Variants in TNS3 observed in about 807,000 individuals in gnomAD.
TNS3 encodes tensin 3, also known as tensin-3.
In TNS3, 45 loss-of-function variants were observed where a neutral mutation model predicts 140.9. The observed-to-expected ratio is 0.32, with a 90% CI of 0.25 to 0.41. The LOEUF is 0.41. Ranked by LOEUF, TNS3 falls within the 10% of genes least tolerant of loss-of-function variation. The pLI is 1.00. For synonymous variants in TNS3, 815 were observed against 788.4 expected (o/e 1.03, Z -0.56); for missense variants, 1,716 against 1,906.7 (o/e 0.90, Z 1.86).
At chr7:47,346,853 A>G (rs2151005126) in intron 17 of TNS3, among the ~76,000 whole-genome samples, 1 of 152,266 alleles carries the variant, frequency 6.6e-6, no homozygotes, top group Non-Finnish European at 1.5e-5. Context: ...CTGGAGAGGG[A>G]AAAAACCTAT....
chr7:47,420,057 G>T (rs547713920), intron 10 of TNS3, among the ~76,000 whole-genome samples: 2 of 152,266 alleles, frequency 1.3e-5, no homozygotes, highest in South Asian at 2.1e-4. Flanking sequence ...ATTGAATAAT[G>T]AACCCATTTG....
intron 20 of TNS3, among the ~76,000 whole-genome samples, chr7:47,315,351 G>C (rs993623236): frequency 6.6e-6 from 1 of 152,226 alleles, no homozygotes; most frequent in Admixed American, 6.5e-5. Flanking sequence ...TGCTGCTGCG[G>C]GGCAGCCCCC....
intron 20 of TNS3, among the ~76,000 whole-genome samples, chr7:47,317,207 A>G (rs780750219): frequency 2.0e-5 from 3 of 152,248 alleles, no homozygotes; most frequent in Non-Finnish European, 4.4e-5. Flanking sequence ...CAGTGAAGCC[A>G]GAATTGCTCC....
In TNS3 at chr7:47,567,813, A is replaced by G. The variant is rs937420478; in HGVS notation, c.-265+14238T>C. On this transcript the variant is annotated intron_variant, in intron 1 of 30. Transcript: ENST00000311160. ...AGATAATCTAAATAACTGAAAAGAT[A>G]TATCATGTTCATGAACTGGAAGTCC... 3.3e-5 allele frequency among the ~76,000 whole-genome samples: 5 copies of G among 152,330 alleles called. No individual in the cohort carries two copies. The East Asian group carries it at 7.7e-4, about 24-fold the overall frequency.
At position 47,547,687 on chromosome 7, in the gene TNS3, C is replaced by T. The variant is rs556211583; in HGVS notation, c.-264-18540G>A. Among the ~76,000 whole-genome samples, 226 of 152,256 alleles carry T rather than the reference C, an allele frequency of 1.5e-3. 1 individual carries two copies. The highest frequency in any genetic ancestry group is 5.2e-3 in the African/African-American group (217 of 41,554). ...TCCAGGAGCCCTCAGCATGGCCCCA[C>T]GTCTACGCCGCCATCCACCCCTCCA... On this transcript the variant is annotated intron_variant, in intron 1 of 30. Transcript: ENST00000311160.
chr7:47,334,552 T>C (rs553687286), intron 20 of TNS3, among the ~76,000 whole-genome samples: 1 of 152,176 alleles, frequency 6.6e-6, no homozygotes, highest in African/African-American at 2.4e-5. Flanking sequence ...GTGTTTATAT[T>C]TTTAAAAAAT....
chr7:47,403,426 C>T (rs1793269938), intron 13 of TNS3: 2 of 152,190 alleles, frequency 1.3e-5, no homozygotes, highest in African/African-American at 2.4e-5. Flanking sequence ...TCCTAAGGCT[C>T]CACAGTGAAA....
intron 17 of TNS3, among the ~76,000 whole-genome samples, chr7:47,349,886 C>T (rs1347106239): frequency 6.6e-6 from 1 of 152,230 alleles, no homozygotes; most frequent in Non-Finnish European, 1.5e-5. Context: ...TGGGCAGGTG[C>T]TCTCATAGAG....
intron 15 of TNS3, among the ~76,000 whole-genome samples, chr7:47,399,621 T>C (rs1480165647): frequency 1.3e-5 from 2 of 152,186 alleles, no homozygotes; most frequent in Admixed American, 6.5e-5. Context: ...GCTAGCCACA[T>C]GTAGAAGAAT....
chr7:47,364,077 C>T (rs1004685050), intron 17 of TNS3, among the ~76,000 whole-genome samples: 8 of 152,038 alleles, frequency 5.3e-5, no homozygotes, highest in Non-Finnish European at 1.0e-4. Context: ...CACACTTGTA[C>T]GCGTGTCCCT....
chr7:47,457,135 GGAGGGGAGGGGAGGGGAGGGGAAGA>G (rs1796286265), intron 4 of TNS3, among the ~76,000 whole-genome samples: 1 of 26,434 alleles, frequency 3.8e-5, no homozygotes, highest in Non-Finnish European at 9.3e-5. Context: ...GGGGAGGGGA[GGAGGGGAGGGGAGGGGAGGGGAAGA>G]GAGGGGAGGG....
At chr7:47,578,293 G>A (rs1371675055) in intron 1 of TNS3, among the ~76,000 whole-genome samples, 2 of 152,042 alleles carry the variant, frequency 1.3e-5, no homozygotes, top group African/African-American at 4.8e-5. Flanking sequence ...CTGGACTCCA[G>A]CAAGACTCCA....
At chr7:47,483,555 C>G (rs986912545) in intron 3 of TNS3, among the ~76,000 whole-genome samples, 40 of 152,196 alleles carry the variant, frequency 2.6e-4, no homozygotes, top group African/African-American at 8.9e-4. Flanking sequence ...TGGAAGCACA[C>G]GTTTGTTGAG....
At position 47,389,111 on chromosome 7, in the gene TNS3, GAAGAA is replaced by G. The variant is rs772296599; in HGVS notation, c.1024+7684_1024+7688del. 8.2e-3 allele frequency among the ~76,000 whole-genome samples: 469 copies of G among 56,896 alleles called. 90 individuals carry two copies. The highest frequency in any genetic ancestry group is 0.051 in the South Asian group (79 of 1,560). 37.3% of individuals were successfully genotyped at this position (56,896 alleles called of 152,430 possible). On this transcript the variant is annotated intron_variant, in intron 16 of 30. Transcript: ENST00000311160. ...GGAAGAGGAAGAGGAAGCGGAAGCA[GAAGAA>G]GAAGAAGAAGAAGAAGAAGAAGAAG... is the stretch of plus-strand genomic sequence containing the variant.
intron 4 of TNS3, among the ~76,000 whole-genome samples, chr7:47,480,430 T>C (rs1797372804): frequency 1.3e-5 from 2 of 152,158 alleles, no homozygotes; most frequent in African/African-American, 2.4e-5. Flanking sequence ...AAGAGGGTCC[T>C]GTATCCTACT....
Sources: gnomAD v4.1 joint callset for allele counts (sites outside exome capture counted in the v4.1 genomes callset) on GRCh38, gnomAD v4.1.1 for gene constraint, MANE v1.5 for transcripts, NCBI Gene and HGNC (gene_info 2026-07-23, HGNC 2026-07-21) for gene names.